EP400: variants seen among roughly 807,000 people sequenced by gnomAD.
EP400 encodes the protein E1A binding protein p400, also known as E1A-binding protein p400.
A neutral mutation model predicts 354.1 loss-of-function variants in EP400; 105 were observed. The ratio of observed to expected loss-of-function variants is 0.30; its 90% CI spans 0.25 to 0.35. The LOEUF (loss-of-function observed/expected upper bound fraction) is 0.35, where lower values mean the gene tolerates loss of function less well. Among genes scored for constraint, EP400 ranks in the 10% least tolerant of loss-of-function variants. The pLI, the probability that EP400 is intolerant of heterozygous loss-of-function variation, is 1.00. For synonymous variants in EP400, 1,646 were observed against 1,716.9 expected (o/e 0.96, Z 1.02); for missense variants, 3,280 against 4,121.0 (o/e 0.80, Z 5.59).
At chr12:131,981,412 AAC>A (rs1321689814) in intron 3 of EP400, 75 bp from the exon 4 acceptor site, 6 of 1,218,124 alleles carry the variant, frequency 4.9e-6, no homozygotes, top group African/African-American at 4.6e-5. Context: ...AGATGATAAA[AAC>A]ACACATGTTT....
chr12:132,041,869 G>A (rs1261591498), intron 32 of EP400, among the ~76,000 whole-genome samples: 1 of 151,544 alleles, frequency 6.6e-6, no homozygotes, highest in Non-Finnish European at 1.5e-5. Context: ...ATATTTACTG[G>A]CAGTTTGAGT....
intron 45 of EP400, 119 bp from the exon 46 acceptor site, chr12:132,061,991 C>A (rs770493309): frequency 2.6e-5 from 20 of 778,082 alleles, no homozygotes; most frequent in Admixed American, 1.6e-4. Context: ...TGAACTCTAG[C>A]GTGTGTTTCA....
At chr12:132,064,984 G>A (rs760121139) in intron 48 of EP400, 98 bp downstream of exon 48, 10 of 1,494,102 alleles carry the variant, frequency 6.7e-6, no homozygotes, top group Non-Finnish European at 8.9e-6. Context: ...TGTTACAGGA[G>A]TGAGTGTGAG....
At chr12:131,979,210 T>A (rs1454294914) in intron 2 of EP400, among the ~76,000 whole-genome samples, 2 of 141,534 alleles carry the variant, frequency 1.4e-5, no homozygotes, top group Non-Finnish European at 3.1e-5. Context: ...AGACTCCGTC[T>A]CAAAAAAAAA....
chr12:132,073,586 T>C (rs1896132965), intron 51 of EP400, among the ~76,000 whole-genome samples: 1 of 151,840 alleles, frequency 6.6e-6, no homozygotes, highest in South Asian at 2.1e-4. Context: ...CCTGAGTAGC[T>C]GGGATTACAG....
intron 7 of EP400, among the ~76,000 whole-genome samples, chr12:131,989,123 TGGGTGG>T: frequency 6.6e-6 from 1 of 152,184 alleles, no homozygotes; most frequent in Middle Eastern, 3.4e-3. Context: ...CTGGGCTGGA[TGGGTGG>T]GGGCTGGCCG....
Position 132,006,840 on chromosome 12 carries a change from G to C in EP400, c.3267G>C (p.Gln1089His). 6.2e-7 allele frequency: 1 copy of C among 1,613,724 alleles called. No individual in the cohort carries two copies. Among genetic ancestry groups the C allele is most frequent in the Non-Finnish European group, 8.5e-7 (1 of 1,179,938 alleles). Residue 1089 changes from glutamine (Q) to histidine (H), a missense_variant, in exon 15 of 53, where the codon CAG becomes CAC. Gln to His is a conservative substitution (Grantham distance 24, BLOSUM62 0). Transcript: ENST00000389561. Reference sequence around the variant, plus strand: ...AAGCTGGGCTGGGTAAAACAGTGCAGATCATTGCTTTTTTTGCCCACCTAG... The same window carrying C: ...AAGCTGGGCTGGGTAAAACAGTGCACATCATTGCTTTTTTTGCCCACCTAG... ...ADEAGLGKTV[Q>H]IIAFFAHLAC...
chr12:132,030,693 A>G (rs1432086865), intron 29 of EP400, among the ~76,000 whole-genome samples: 1 of 152,238 alleles, frequency 6.6e-6, no homozygotes, highest in Non-Finnish European at 1.5e-5. Flanking sequence ...TACTTACATG[A>G]CAACAAACAC....
At chr12:132,010,631 C>T (rs1728844594) in intron 15 of EP400, among the ~76,000 whole-genome samples, 1 of 152,168 alleles carries the variant, frequency 6.6e-6, no homozygotes, top group African/African-American at 2.4e-5. Context: ...ATGTATTCCT[C>T]TAATAATCTT....
Position 132,025,814 on chromosome 12 carries a change from T to C in EP400, c.5014+10T>C, listed in dbSNP as rs559341662. 4.4e-6 allele frequency: 7 copies of C among 1,583,656 alleles called. No individual in the cohort carries two copies. Among genetic ancestry groups the C allele is most frequent in the Non-Finnish European group, 6.0e-6 (7 of 1,167,544 alleles). ...CCCTTGACCCCACAAGGTAGGGTGCTCTGAGCAGGAGGGAGACTTGGCTTG... is the reference window on the plus strand; with the variant it reads ...CCCTTGACCCCACAAGGTAGGGTGCCCTGAGCAGGAGGGAGACTTGGCTTG... On this transcript the variant is annotated intron_variant, in intron 25 of 52. Coordinates refer to ENST00000389561, the MANE Select transcript of EP400 (RefSeq NM_015409.5). The surrounding 1 kb of genome is among the most constrained non-coding windows in gnomAD (Gnocchi z 4.1).
rs573003003 is a variant in EP400, at chr12:131,959,728, C to T, written c.-35-857C>T. ...AGACCTTCTCACAGTTTCTTCTCTT[C>T]GTGTGTTCTTAGGGAGAATGTTGAG... On this transcript the variant is annotated intron_variant, in intron 1 of 52. Transcript: ENST00000389561. Among the ~76,000 whole-genome samples the T allele has an allele frequency of 4.6e-5, 7 of 152,326 alleles. No homozygotes were observed. The East Asian group carries it at 9.6e-4, about 21-fold the overall frequency.
chr12:132,049,386 T>C (rs1460208436), intron 39 of EP400, among the ~76,000 whole-genome samples: 1 of 152,238 alleles, frequency 6.6e-6, no homozygotes, highest in Non-Finnish European at 1.5e-5. Context: ...TATGGTACAG[T>C]GTTCCGGAAG....
Position 132,020,109 on chromosome 12 carries a change from C to T in EP400, c.4338C>T (p.Ser1446=). 2 of 1,609,760 alleles carry T rather than the reference C, an allele frequency of 1.2e-6. No individual in the cohort carries two copies. Among genetic ancestry groups the T allele is most frequent in the Non-Finnish European group, 1.7e-6 (2 of 1,178,164 alleles). The change falls in exon 22 of 53, where the codon AGC becomes AGT. Residue 1446 remains serine (S), a synonymous_variant. Coordinates refer to ENST00000389561, the MANE Select transcript of EP400 (RefSeq NM_015409.5). ...KPEGRTVAFP[S]THPPRTAAPT... is the part of the protein sequence containing the mutation. Reference sequence around the variant, plus strand: ...AGGGTCGCACCGTGGCTTTCCCCAGCACTCACCCGCCCCGGACGGCAGCCC... The same window carrying T: ...AGGGTCGCACCGTGGCTTTCCCCAGTACTCACCCGCCCCGGACGGCAGCCC...
rs1895338992 is a variant in EP400 at position 132,052,703 on chromosome 12, C to T, written c.7395-443C>T. Among the ~76,000 whole-genome samples, 1 of 152,024 alleles carries T rather than the reference C, an allele frequency of 6.6e-6. No individual in the cohort carries two copies. The highest frequency in any genetic ancestry group is 2.1e-4 in the South Asian group (1 of 4,824). On this transcript the variant is annotated intron_variant, in intron 41 of 52. Transcript: ENST00000389561. The surrounding 1 kb of genome is among the most constrained non-coding windows in gnomAD (Gnocchi z 4.4). The stretch of plus-strand genomic sequence containing the variant: ...AATTCACCCTACTAATATTTATGGA[C>T]CGCGGGCCTGCGCGGCGTGGAGCCT...
chr12:132,009,290 G>A (rs541116600), intron 15 of EP400, among the ~76,000 whole-genome samples: 1 of 152,194 alleles, frequency 6.6e-6, no homozygotes, highest in African/African-American at 2.4e-5. Context: ...GAACAGATGA[G>A]TGAATCAGTC....
rs181189325 is a variant in EP400, at chr12:131,982,582, T to G, written c.1929+104T>G. On this transcript the variant is annotated intron_variant, in intron 5 of 52. Transcript: ENST00000389561. Reference sequence around the variant, plus strand: ...ACCACACTGTAATTTGTGTATTTTCTCTTAGCAGCTTGCTCCCCCAATTTA... The same window carrying G: ...ACCACACTGTAATTTGTGTATTTTCGCTTAGCAGCTTGCTCCCCCAATTTA... The G allele has an allele frequency of 9.0e-5, 127 of 1,415,884 alleles. No individual in the cohort carries two copies. In the African/African-American group the frequency reaches 1.6e-3, roughly 18 times the overall value. 87.7% of individuals were successfully genotyped at this position (1,415,884 alleles called of 1,614,324 possible).
Position 132,045,901 on chromosome 12 carries a change from G to A in EP400, c.7200+1G>A. On this transcript the variant is annotated splice_donor_variant, in intron 39 of 52. Coordinates refer to ENST00000389561, the MANE Select transcript of EP400 (RefSeq NM_015409.5). LOFTEE classifies it high-confidence loss of function. Reference sequence around the variant, plus strand: ...CATCATTCCACGAGAGGAGGGGAAGGTAAGCACGGTCTCGTTTGTCCTTCG... The same window carrying A: ...CATCATTCCACGAGAGGAGGGGAAGATAAGCACGGTCTCGTTTGTCCTTCG... 2 of 1,614,162 alleles carry A rather than the reference G, an allele frequency of 1.2e-6. No homozygotes were observed. The highest frequency in any genetic ancestry group is 1.7e-6 in the Non-Finnish European group (2 of 1,179,992).
At position 132,076,379 on chromosome 12, in the gene EP400, C is replaced by T. The variant is rs999857492; in HGVS notation, c.9022-137C>T. On this transcript the variant is annotated intron_variant, in intron 51 of 52. Transcript: ENST00000389561. ...GCTCTCTCACTGCTGCAGGTGGGCA[C>T]ACTACGAGAATTGCTCTTCTGTGTC... is the stretch of plus-strand genomic sequence containing the variant. 7.1e-6 allele frequency: 6 copies of T among 843,256 alleles called. No individual in the cohort carries two copies. The African/African-American group carries it at 8.4e-5, about 12-fold the overall frequency. 52.2% of individuals were successfully genotyped at this position (843,256 alleles called of 1,614,324 possible).
intron 30 of EP400, among the ~76,000 whole-genome samples, chr12:132,032,587 G>A (rs547038278): frequency 6.6e-5 from 10 of 150,992 alleles, no homozygotes; most frequent in Non-Finnish European, 1.2e-4. Context: ...TGAAAGAATG[G>A]TCAACACCTG....
Sources: gnomAD v4.1 joint callset for allele counts (sites outside exome capture counted in the v4.1 genomes callset) on GRCh38, gnomAD v4.1.1 for gene constraint, Gnocchi (gnomAD v3.1) non-coding constraint, MANE v1.5 for transcripts, NCBI Gene and HGNC (gene_info 2026-07-23, HGNC 2026-07-21) for gene names.